SORCS3: variants seen among roughly 807,000 people sequenced by gnomAD.
The protein encoded by SORCS3 is sortilin related VPS10 domain containing receptor 3, also known as VPS10 domain-containing receptor SorCS3.
Under a neutral mutation model 146.3 loss-of-function variants are expected in SORCS3, and 57 were observed. The ratio of observed to expected loss-of-function variants is 0.39; its 90% CI spans 0.31 to 0.49. The LOEUF (loss-of-function observed/expected upper bound fraction) is 0.49, where lower values mean the gene tolerates loss of function less well. Among genes scored for constraint, SORCS3 ranks in the 20% least tolerant of loss-of-function variants. The pLI is 0.92. For synonymous variants in SORCS3, 653 were observed against 618.5 expected (o/e 1.06, Z -0.83); for missense variants, 1,341 against 1,575.5 (o/e 0.85, Z 2.52).
chr10:105,000,569 G>A (rs1248884031), intron 4 of SORCS3, among the ~76,000 whole-genome samples: 1 of 152,080 alleles, frequency 6.6e-6, no homozygotes, highest in Non-Finnish European at 1.5e-5. Context: ...TTATCTACTA[G>A]GAATTCCGGC....
intron 3 of SORCS3, among the ~76,000 whole-genome samples, chr10:104,968,648 G>C (rs937746228): frequency 6.6e-6 from 1 of 152,128 alleles, no homozygotes; most frequent in East Asian, 1.9e-4. Context: ...TGGGATCTCT[G>C]TCCTGTTCGT....
intron 16 of SORCS3, 136 bp from the exon 17 acceptor site, chr10:105,211,001 C>T: frequency 5.3e-6 from 3 of 563,250 alleles, no homozygotes; most frequent in Non-Finnish European, 9.8e-6. Flanking sequence ...GAATATTTAC[C>T]CTCACTGGGG....
chr10:105,252,656 T>C (rs2056907715), intron 22 of SORCS3, 119 bp from the exon 23 acceptor site: 9 of 1,283,646 alleles, frequency 7.0e-6, no homozygotes, highest in Non-Finnish European at 8.8e-6. Context: ...AGCCTGTGCC[T>C]AAAAAGCTGC....
chr10:104,728,141 A>G (rs907433255), intron 1 of SORCS3, among the ~76,000 whole-genome samples: 5 of 151,750 alleles, frequency 3.3e-5, no homozygotes, highest in African/African-American at 4.8e-5. Flanking sequence ...TTTTTAACCA[A>G]TCCACCATTG....
At chr10:104,914,078 C>T in intron 2 of SORCS3, among the ~76,000 whole-genome samples, 1 of 152,122 alleles carries the variant, frequency 6.6e-6, no homozygotes, top group East Asian at 1.9e-4. Flanking sequence ...ATCTTCATCC[C>T]TCAGATAAGG....
chr10:104,762,441 A>T (rs2017132031), intron 1 of SORCS3, among the ~76,000 whole-genome samples: 1 of 152,140 alleles, frequency 6.6e-6, no homozygotes, highest in Non-Finnish European at 1.5e-5. Context: ...GCGGCATACT[A>T]CTGCGTGGAG....
At chr10:104,919,618 G>A (rs2019067036) in intron 3 of SORCS3, among the ~76,000 whole-genome samples, 1 of 152,098 alleles carries the variant, frequency 6.6e-6, no homozygotes, top group Admixed American at 6.5e-5. Flanking sequence ...GAACCCAGGA[G>A]GTGGAGGTTG....
chr10:105,023,793 G>A (rs790640), intron 4 of SORCS3, among the ~76,000 whole-genome samples: 29,669 of 151,880 alleles, frequency 0.2, 2,931 homozygotes, highest in South Asian at 0.25. Context: ...AGTCCAAGGC[G>A]TCTCTGTGGT....
chr10:104,777,479 T>A (rs2017323222), intron 1 of SORCS3, among the ~76,000 whole-genome samples: 1 of 152,170 alleles, frequency 6.6e-6, no homozygotes, highest in Non-Finnish European at 1.5e-5. Flanking sequence ...CAGCAGGCAA[T>A]GCCTTTGCCC....
chr10:104,950,379 G>A (rs553289774), intron 3 of SORCS3, among the ~76,000 whole-genome samples: 199 of 152,258 alleles, frequency 1.3e-3, no homozygotes, highest in African/African-American at 4.5e-3. Context: ...ATAATCTAGG[G>A]TATGTTGCTT....
intron 2 of SORCS3, among the ~76,000 whole-genome samples, chr10:104,900,905 AG>A (rs2018845094): frequency 2.0e-5 from 1 of 51,264 alleles, no homozygotes; most frequent in African/African-American, 8.4e-5. Context: ...GGGTGGGGGG[AG>A]GGGGGCGGGG....
chr10:104,907,671 G>A (rs61867340), intron 2 of SORCS3, among the ~76,000 whole-genome samples: 19,839 of 152,154 alleles, frequency 0.13, 1,464 homozygotes, highest in Middle Eastern at 0.18. Flanking sequence ...AAATAGAGAC[G>A]AATTAATTAT....
At chr10:105,117,994 T>C (rs2055905082) in intron 7 of SORCS3, among the ~76,000 whole-genome samples, 1 of 152,146 alleles carries the variant, frequency 6.6e-6, no homozygotes, top group Non-Finnish European at 1.5e-5. Flanking sequence ...CAGATGCCTC[T>C]TCCTCTGCCC....
rs185245329 is a variant in SORCS3 at position 104,852,554 on chromosome 10, T to C, written c.695+9695T>C. Among the ~76,000 whole-genome samples the C allele has an allele frequency of 1.8e-3, 279 of 152,274 alleles. 3 individuals carry two copies. Among genetic ancestry groups the C allele is most frequent in the African/African-American group, 6.5e-3 (271 of 41,552 alleles). The stretch of plus-strand genomic sequence containing the variant: ...CTTCTGGGGTCAGGATCTATGAACT[T>C]ATAGTTTTAAAGAACTCCCCTCTTG... On this transcript the variant is annotated intron_variant, in intron 2 of 26. Coordinates refer to ENST00000369701, the MANE Select transcript of SORCS3 (RefSeq NM_014978.3).
chr10:104,996,694 C>T (rs549523071), intron 4 of SORCS3, among the ~76,000 whole-genome samples: 2 of 152,068 alleles, frequency 1.3e-5, no homozygotes, highest in Admixed American at 6.5e-5. Context: ...AATATTGTAA[C>T]TTTAATCTGG....
At chr10:104,811,274 G>A (rs547669647) in intron 1 of SORCS3, among the ~76,000 whole-genome samples, 1 of 152,174 alleles carries the variant, frequency 6.6e-6, no homozygotes, top group Non-Finnish European at 1.5e-5. Flanking sequence ...TCATGGGAGT[G>A]GGACCTGCAA....
intron 1 of SORCS3, among the ~76,000 whole-genome samples, chr10:104,764,569 G>A (rs1025955034): frequency 1.3e-5 from 2 of 152,208 alleles, no homozygotes; most frequent in African/African-American, 4.8e-5. Flanking sequence ...TGCCTGGTGA[G>A]GTAGTTGTAG....
At chr10:104,808,214 G>T (rs1376548446) in intron 1 of SORCS3, among the ~76,000 whole-genome samples, 1 of 152,206 alleles carries the variant, frequency 6.6e-6, no homozygotes, top group East Asian at 1.9e-4. Context: ...TTCTGCTTTT[G>T]TGAGTTGGTG....
intron 2 of SORCS3, among the ~76,000 whole-genome samples, chr10:104,843,884 C>T (rs2133548081): frequency 6.6e-6 from 1 of 152,276 alleles, no homozygotes; most frequent in East Asian, 1.9e-4. Flanking sequence ...TGTGTCAATA[C>T]TGGGCAGGAA....
Sources: gnomAD v4.1 joint callset for allele counts (sites outside exome capture counted in the v4.1 genomes callset) on GRCh38, gnomAD v4.1.1 for gene constraint, MANE v1.5 for transcripts, NCBI Gene and HGNC (gene_info 2026-07-23, HGNC 2026-07-21) for gene names.